The following CFAP299 variants were observed in gnomAD, a reference collection of about 807,000 sequenced individuals.
CFAP299 encodes cilia and flagella associated protein 299.
In CFAP299, 21 loss-of-function variants were observed where a neutral mutation model predicts 27.0. The observed-to-expected ratio is 0.78, with a 90% CI of 0.55 to 1.12. The LOEUF (loss-of-function observed/expected upper bound fraction) is 1.12, where lower values mean the gene tolerates loss of function less well. CFAP299 is among the 50% of genes most tolerant of loss of function. CFAP299 has a pLI of 0.00. For missense variants in CFAP299, 310 were observed against 276.6 expected (o/e 1.12, Z -0.86); for synonymous variants, 104 against 98.1 (o/e 1.06, Z -0.36).
At chr4:80,403,122 GT>G (rs1726245275) in intron 2 of CFAP299, among the ~76,000 whole-genome samples, 1 of 152,188 alleles carries the variant, frequency 6.6e-6, no homozygotes, top group South Asian at 2.1e-4. Flanking sequence ...TAGCAAAAAT[GT>G]TTTTGCACTT....
chr4:80,576,424 T>C lies in CFAP299; in HGVS notation c.243-6669T>C, dbSNP rs191948238. The stretch of plus-strand genomic sequence containing the variant: ...CATATCAAAATACAGTAAAAACATA[T>C]CTTCCATATTTAACTCTCAAATGAG... On this transcript the variant is annotated intron_variant, in intron 2 of 5. Transcript: ENST00000358105. 2.4e-3 allele frequency among the ~76,000 whole-genome samples: 365 copies of C among 151,918 alleles called. 1 individual carries two copies. Among genetic ancestry groups the C allele is most frequent in the African/African-American group, 8.3e-3 (346 of 41,498 alleles).
chr4:80,774,305 G>A (rs1240748663), intron 3 of CFAP299, among the ~76,000 whole-genome samples: 2 of 151,694 alleles, frequency 1.3e-5, no homozygotes, highest in African/African-American at 4.8e-5. Context: ...TACCTTTTTA[G>A]GGGAAACATG....
chr4:80,514,979 G>C (rs1732511063), intron 2 of CFAP299, among the ~76,000 whole-genome samples: 1 of 151,912 alleles, frequency 6.6e-6, no homozygotes, highest in Non-Finnish European at 1.5e-5. Context: ...AACCCACCCA[G>C]AACGGTGTCT....
intron 2 of CFAP299, among the ~76,000 whole-genome samples, chr4:80,431,372 C>CG: frequency 6.8e-6 from 1 of 146,972 alleles, no homozygotes; most frequent in Non-Finnish European, 1.5e-5. Context: ...TCTCTCCCCC[C>CG]TTCCTTCCCT....
chr4:80,952,461 C>T (rs1737832094), intron 5 of CFAP299, among the ~76,000 whole-genome samples: 1 of 152,058 alleles, frequency 6.6e-6, no homozygotes, highest in Admixed American at 6.5e-5. Context: ...CTTTGAGGAA[C>T]TTTCGAGAGT....
intron 3 of CFAP299, among the ~76,000 whole-genome samples, chr4:80,842,548 A>G (rs1488558706): frequency 2.0e-5 from 3 of 152,164 alleles, no homozygotes; most frequent in Non-Finnish European, 4.4e-5. Context: ...GTAAAATGTA[A>G]TAATGCACAG....
rs140380803 is a variant in CFAP299, at chr4:80,947,708, A to C, written c.606+2769A>C. ...AAAAAGTCAATAGTCTAAAAACATC[A>C]GGCATTCTGTTCTCAAAAAATAAGT... On this transcript the variant is annotated intron_variant, in intron 5 of 5. Transcript: ENST00000358105. Among the ~76,000 whole-genome samples the C allele has an allele frequency of 3.5e-3, 536 of 152,288 alleles. 1 individual carries two copies. The highest frequency in any genetic ancestry group is 0.014 in the Middle Eastern group (4 of 294).
chr4:80,907,823 G>A (rs573523309), intron 4 of CFAP299, among the ~76,000 whole-genome samples: 7 of 152,012 alleles, frequency 4.6e-5, no homozygotes, highest in East Asian at 1.9e-4. Flanking sequence ...GTCAGTTCTC[G>A]AAAGAAATTT....
At chr4:80,583,525 T>G (rs1479118383) in intron 3 of CFAP299, among the ~76,000 whole-genome samples, 1 of 151,932 alleles carries the variant, frequency 6.6e-6, no homozygotes, top group Non-Finnish European at 1.5e-5. Context: ...CCACTGACCC[T>G]AAGTTTTGTC....
chr4:80,390,497 A>G (rs1304337245), intron 2 of CFAP299, among the ~76,000 whole-genome samples: 6 of 142,824 alleles, frequency 4.2e-5, no homozygotes, highest in Non-Finnish European at 9.0e-5. Context: ...CTCTCTATAT[A>G]TATGTATATA....
intron 3 of CFAP299, among the ~76,000 whole-genome samples, chr4:80,680,104 G>T (rs954449365): frequency 1.3e-5 from 2 of 151,960 alleles, no homozygotes; most frequent in African/African-American, 4.8e-5. Flanking sequence ...GGGAGGAATA[G>T]GTCTACTGCC....
rs182218468 is a variant in CFAP299, at chr4:80,775,427, A to G, written c.334-94566A>G. 1.1e-4 allele frequency among the ~76,000 whole-genome samples: 16 copies of G among 152,180 alleles called. No individual in the cohort carries two copies. In the East Asian group the frequency reaches 2.9e-3, roughly 28 times the overall value. ...GTATATTTAATTTATTTATTTATACATTGCATTTACTAATTTATGACTAGG... is the reference window on the plus strand; with the variant it reads ...GTATATTTAATTTATTTATTTATACGTTGCATTTACTAATTTATGACTAGG... On this transcript the variant is annotated intron_variant, in intron 3 of 5. Transcript: ENST00000358105.
At chr4:80,475,725 C>G (rs933970121) in intron 2 of CFAP299, among the ~76,000 whole-genome samples, 1 of 152,138 alleles carries the variant, frequency 6.6e-6, no homozygotes, top group African/African-American at 2.4e-5. Flanking sequence ...TAGAGTTGTA[C>G]GTTCAGAAAT....
chr4:80,667,656 T>C (rs1295256604), intron 3 of CFAP299, among the ~76,000 whole-genome samples: 1 of 152,142 alleles, frequency 6.6e-6, no homozygotes, highest in Admixed American at 6.6e-5. Context: ...AATGACAGGA[T>C]TCATTCTTTT....
intron 3 of CFAP299, among the ~76,000 whole-genome samples, chr4:80,651,717 T>TGC (rs1169573032): frequency 6.0e-5 from 9 of 150,804 alleles, no homozygotes; most frequent in Non-Finnish European, 1.3e-4. Flanking sequence ...TGTGTGTGTG[T>TGC]GTGTGTGTGT....
chr4:80,635,729 G>A (rs1463257122), intron 3 of CFAP299, among the ~76,000 whole-genome samples: 1 of 151,898 alleles, frequency 6.6e-6, no homozygotes, highest in African/African-American at 2.4e-5. Context: ...ATTCCTCCCA[G>A]GTGTTACACC....
chr4:80,387,973 G>A (rs1391419411), intron 2 of CFAP299: 36 of 745,974 alleles, frequency 4.8e-5, no homozygotes, highest in Non-Finnish European at 8.2e-5. Context: ...CTGTGGGGGT[G>A]GGGTATACTG....
chr4:80,800,617 A>ATAATATATTAATATAAATATATAATATAT (rs1560419511), intron 3 of CFAP299, among the ~76,000 whole-genome samples: 1 of 101,158 alleles, frequency 9.9e-6, no homozygotes, highest in Non-Finnish European at 1.8e-5. Flanking sequence ...TATATAATAT[A>ATAATATATTAATATAAATATATAATATAT]TAATATATTA....
intron 4 of CFAP299, among the ~76,000 whole-genome samples, chr4:80,943,472 G>C (rs187049309): frequency 4.6e-5 from 7 of 152,098 alleles, no homozygotes; most frequent in Non-Finnish European, 8.8e-5. Flanking sequence ...AGGGCAAAAC[G>C]ACCTAGAAAC....
Sources: gnomAD v4.1 joint callset for allele counts (sites outside exome capture counted in the v4.1 genomes callset) on GRCh38, gnomAD v4.1.1 for gene constraint, MANE v1.5 for transcripts, NCBI Gene and HGNC (gene_info 2026-07-23, HGNC 2026-07-21) for gene names.